PON1: variants seen among roughly 807,000 people sequenced by gnomAD.
The protein encoded by PON1 is paraoxonase 1.
PON1 carries 37 observed loss-of-function variants against 39.2 expected under a neutral mutation model. That is an observed-to-expected ratio of 0.94 (90% CI 0.73 to 1.24). PON1 has a LOEUF of 1.24. Ranked by LOEUF, PON1 falls within the 50% of genes most tolerant of loss-of-function variation. The pLI, the probability that PON1 is intolerant of heterozygous loss-of-function variation, is 0.00. For missense variants in PON1, 397 were observed against 413.5 expected (o/e 0.96, Z 0.35); for synonymous variants, 148 against 152.2 (o/e 0.97, Z 0.21).
chr7:95,316,668 G>C, intron 3 of PON1, 66 bp downstream of exon 3: 1 of 1,385,700 alleles, frequency 7.2e-7, no homozygotes, highest in Non-Finnish European at 1.0e-6. Context: ...AAGCCTAAGT[G>C]AAAGACTTAA....
intron 2 of PON1, among the ~76,000 whole-genome samples, chr7:95,317,551 G>A (rs1297168414): frequency 9.0e-6 from 1 of 111,442 alleles, no homozygotes; most frequent in African/African-American, 3.7e-5. Flanking sequence ...TTAATCAACT[G>A]AGATGAATAA....
At chr7:95,306,237 T>G (rs1418411709) in intron 7 of PON1, 48 bp downstream of exon 7, 1 of 1,440,806 alleles carries the variant, frequency 6.9e-7, no homozygotes, top group Admixed American at 1.7e-5. Flanking sequence ...ACAAATCAAT[T>G]AGAATCTAAT....
intron 5 of PON1, 34 bp from the exon 6 acceptor site, chr7:95,308,245 G>A (rs1225616279): frequency 3.2e-6 from 5 of 1,579,874 alleles, no homozygotes; most frequent in Non-Finnish European, 4.3e-6. Flanking sequence ...AATATATAAG[G>A]TGAAGGTATT....
intron 4 of PON1, among the ~76,000 whole-genome samples, chr7:95,313,618 A>ATGTGTGTGTGTGTGTGTG (rs3046663): frequency 2.5e-4 from 37 of 147,290 alleles, no homozygotes; most frequent in African/African-American, 9.1e-4. Context: ...ATATATGTAT[A>ATGTGTGTGTGTGTGTGTG]TGTGTGTGTG....
intron 8 of PON1, 34 bp downstream of exon 8, chr7:95,302,171 A>G (rs2116299140): frequency 6.3e-7 from 1 of 1,578,550 alleles, no homozygotes; most frequent in East Asian, 2.3e-5. Context: ...AGCTGGGAAT[A>G]AAGTCACTTA....
At position 95,308,135 on chromosome 7, in the gene PON1, G is replaced by A. The variant is rs763222419; in HGVS notation, c.574C>T (p.Gln192Ter). 6.2e-7 allele frequency: 1 copy of A among 1,613,954 alleles called. No homozygotes were observed. Among genetic ancestry groups the A allele is most frequent in the African/African-American group, 1.3e-5 (1 of 74,896 alleles). The stretch of plus-strand genomic sequence containing the variant: ...AAACCCAAATACATCTCCCAGGATT[G>A]TAAGTAGGGGTCAAGAAAATAGTGA... Reference protein sequence around the residue: ...NDHYFLDPYLQSWEMYLGLAW... With the variant: ...NDHYFLDPYL The change falls in exon 6 of 9, where the codon CAA becomes TAA. Residue 192 changes from glutamine (Q) to a stop codon, truncating the protein, a stop_gained. Transcript: ENST00000222381. LOFTEE classifies it high-confidence loss of function.
chr7:95,314,411 G>T (rs987371219), intron 4 of PON1, among the ~76,000 whole-genome samples: 3 of 151,632 alleles, frequency 2.0e-5, no homozygotes, highest in African/African-American at 7.3e-5. Context: ...AGGAAGGGAA[G>T]AGGGAAGGAA....
chr7:95,308,096 CAT>C lies in PON1; in HGVS notation c.611_612del (p.Tyr204CysfsTer5). ...ACTTCACTTGGACTATAGTAGACAA[CAT>C]ACGACCACGCTAAACCCAAATACAT... ...WEMYLGLAWS[Y>X]VVYYSPSEVR... On this transcript the variant is annotated frameshift_variant, in exon 6 of 9. Transcript: ENST00000222381. LOFTEE classifies it high-confidence loss of function. 6.2e-7 allele frequency: 1 copy of C among 1,614,128 alleles called. No individual in the cohort carries two copies. Among genetic ancestry groups the C allele is most frequent in the Non-Finnish European group, 8.5e-7 (1 of 1,180,014 alleles).
intron 8 of PON1, among the ~76,000 whole-genome samples, chr7:95,300,762 G>T (rs1807401994): frequency 6.6e-6 from 1 of 152,144 alleles, no homozygotes; most frequent in Non-Finnish European, 1.5e-5. Flanking sequence ...GAGCTAACAA[G>T]CAAGAACAAA....
At chr7:95,310,025 C>T (rs1490250695) in intron 5 of PON1, among the ~76,000 whole-genome samples, 1 of 152,124 alleles carries the variant, frequency 6.6e-6, no homozygotes, top group Admixed American at 6.5e-5. Flanking sequence ...TAACGTAGAC[C>T]AATCTGAGAT....
At chr7:95,305,047 A>G (rs1218620152) in intron 7 of PON1, among the ~76,000 whole-genome samples, 1 of 152,100 alleles carries the variant, frequency 6.6e-6, no homozygotes, top group Non-Finnish European at 1.5e-5. Context: ...GTGAAATTCC[A>G]TTTTACTTGA....
intron 8 of PON1, among the ~76,000 whole-genome samples, chr7:95,299,791 T>C (rs1284698833): frequency 6.6e-6 from 1 of 152,138 alleles, no homozygotes; most frequent in African/African-American, 2.4e-5. Flanking sequence ...GGTAAGTTAA[T>C]ACTTAATAAA....
At chr7:95,322,639 G>A (rs1161020671) in intron 1 of PON1, among the ~76,000 whole-genome samples, 1 of 152,096 alleles carries the variant, frequency 6.6e-6, no homozygotes, top group Non-Finnish European at 1.5e-5. Flanking sequence ...GCAATGTAGG[G>A]ACAAGGAAGT....
intron 6 of PON1, 70 bp from the exon 7 acceptor site, chr7:95,306,436 A>C: frequency 9.1e-7 from 1 of 1,093,232 alleles, no homozygotes; most frequent in Non-Finnish European, 1.4e-6. Context: ...ATGAAGTTGT[A>C]ATACCTATTC....
At chr7:95,321,155 G>A (rs544713379) in intron 1 of PON1, among the ~76,000 whole-genome samples, 2 of 152,038 alleles carry the variant, frequency 1.3e-5, no homozygotes, top group South Asian at 2.1e-4. Flanking sequence ...CAGCTCTCTC[G>A]AAATGAATAG....
intron 3 of PON1, among the ~76,000 whole-genome samples, chr7:95,316,248 G>A (rs557410475): frequency 6.6e-6 from 1 of 152,256 alleles, no homozygotes; most frequent in Admixed American, 6.5e-5. Flanking sequence ...GACAGTTTCA[G>A]CAAATATGGT....
intron 8 of PON1, among the ~76,000 whole-genome samples, chr7:95,300,453 G>A (rs142388684): frequency 1.3e-5 from 2 of 152,120 alleles, no homozygotes; most frequent in African/African-American, 2.4e-5. Context: ...GATATAAAAG[G>A]GTCTGTGGGA....
chr7:95,324,522 T>A lies in PON1; in HGVS notation c.-47A>T. The stretch of plus-strand genomic sequence containing the variant: ...TCGATGGGCGCAGACACCGACGGGC[T>A]AGGAGGCTCTGCCTGCCTGCAGCCG... On this transcript the variant is annotated 5_prime_UTR_variant, in exon 1 of 9. Transcript: ENST00000222381. The A allele has an allele frequency of 1.3e-6, 2 of 1,569,414 alleles. No homozygotes were observed. The highest frequency in any genetic ancestry group is 1.8e-6 in the Non-Finnish European group (2 of 1,142,456).
rs1807817988 is a variant in PON1 at position 95,318,361 on chromosome 7, G to A, written c.107C>T (p.Pro36Leu). 1.2e-6 allele frequency: 2 copies of A among 1,610,142 alleles called. No homozygotes were observed. The highest frequency in any genetic ancestry group is 1.7e-6 in the Non-Finnish European group (2 of 1,176,548). ...TAAATTACAGTTAGGAAGTTCTACG[G>A]GTTGTACCTCTCGGAGAGCATTAAG... ...TRLNALREVQ[P>L]VELPNCNLVK... is the part of the protein sequence containing the mutation. The change falls in exon 2 of 9, where the codon CCC becomes CTC. Residue 36 changes from proline (P) to leucine (L), a missense_variant. Transcript: ENST00000222381.
Sources: allele counts gnomAD v4.1 joint callset (sites outside exome capture counted in the v4.1 genomes callset), GRCh38; gene constraint gnomAD v4.1.1; transcripts MANE v1.5; gene names NCBI Gene and HGNC (gene_info 2026-07-23, HGNC 2026-07-21).